The following ADAM12 variants were observed in gnomAD, a reference collection of about 807,000 sequenced individuals.
ADAM12 encodes the protein ADAM metallopeptidase domain 12.
In ADAM12, 70 loss-of-function variants were observed where a neutral mutation model predicts 106.4. The observed-to-expected ratio is 0.66, with a 90% CI of 0.54 to 0.80. The LOEUF (loss-of-function observed/expected upper bound fraction) is 0.80, where lower values mean the gene tolerates loss of function less well. Among genes scored for constraint, ADAM12 ranks in the 30% least tolerant of loss-of-function variants. The pLI, the probability that ADAM12 is intolerant of heterozygous loss-of-function variation, is 0.00. For synonymous variants in ADAM12, 420 were observed against 433.5 expected, an observed-to-expected ratio of 0.97 and a Z score of 0.39; for missense variants, 1,010 against 1,171.9, an observed-to-expected ratio of 0.86 and a Z score of 2.02.
chr10:126,251,895 TG>T (rs1958778972), intron 3 of ADAM12, among the ~76,000 whole-genome samples: 1 of 96,810 alleles, frequency 1.0e-5, no homozygotes, highest in African/African-American at 4.4e-5. Context: ...AATGGATGGA[TG>T]GGATGGATAG....
chr10:126,161,261 G>A (rs1471915545), intron 3 of ADAM12, among the ~76,000 whole-genome samples: 1 of 152,146 alleles, frequency 6.6e-6, no homozygotes, highest in Non-Finnish European at 1.5e-5. Context: ...GTACTGTGCT[G>A]AGCCCCTGAT....
intron 11 of ADAM12, among the ~76,000 whole-genome samples, chr10:126,079,151 T>C (rs1955161339): frequency 6.6e-6 from 1 of 152,232 alleles, no homozygotes; most frequent in Admixed American, 6.5e-5. Context: ...TGCAGACGAT[T>C]TGCTAAATTG....
chr10:126,363,177 C>A (rs1855796932), intron 1 of ADAM12, among the ~76,000 whole-genome samples: 2 of 151,850 alleles, frequency 1.3e-5, no homozygotes, highest in African/African-American at 4.8e-5. Flanking sequence ...AACATGGGGA[C>A]AATAAATGAT....
chr10:126,199,636 A>G (rs978569493), intron 3 of ADAM12, among the ~76,000 whole-genome samples: 22 of 152,210 alleles, frequency 1.4e-4, no homozygotes, highest in African/African-American at 4.8e-4. Flanking sequence ...AAACAAAACC[A>G]GGTTTTCATT....
At chr10:126,175,381 T>A (rs1299854639) in intron 3 of ADAM12, among the ~76,000 whole-genome samples, 4 of 152,152 alleles carry the variant, frequency 2.6e-5, no homozygotes, top group African/African-American at 9.7e-5. Context: ...CTCATAACAA[T>A]AACAATTGCT....
intron 2 of ADAM12, among the ~76,000 whole-genome samples, chr10:126,295,544 C>CACAG (rs1299445665): frequency 2.0e-5 from 3 of 147,486 alleles, no homozygotes; most frequent in African/African-American, 7.8e-5. Context: ...CACACACACA[C>CACAG]ACATACACAC....
rs1446416747 is a variant in ADAM12, at chr10:126,218,461, C to T, written c.260+60454G>A. Among the ~76,000 whole-genome samples the T allele has an allele frequency of 2.6e-5, 4 of 152,196 alleles. No individual in the cohort carries two copies. The East Asian group carries it at 7.7e-4, about 29-fold the overall frequency. The stretch of plus-strand genomic sequence containing the variant: ...CTTGGAACTGACTGCTATGCATTGA[C>T]TTTTCTGGGCAGACTCAGCCAACAA... On this transcript the variant is annotated intron_variant, in intron 3 of 22. Transcript: ENST00000448723.
At chr10:126,062,081 T>C (rs1272316634) in intron 14 of ADAM12, among the ~76,000 whole-genome samples, 4 of 152,078 alleles carry the variant, frequency 2.6e-5, no homozygotes, top group Admixed American at 6.5e-5. Context: ...GTCTGTATAA[T>C]GATCTGAAGA....
intron 8 of ADAM12, among the ~76,000 whole-genome samples, chr10:126,101,706 T>C (rs1172634378): frequency 2.6e-5 from 4 of 152,246 alleles, no homozygotes; most frequent in Non-Finnish European, 5.9e-5. Flanking sequence ...TGAATCTGTA[T>C]TAATTTTTCA....
rs138884732 is a variant in ADAM12 at position 126,152,294 on chromosome 10, C to T, written c.339+2933G>A. 2.0e-3 allele frequency among the ~76,000 whole-genome samples: 307 copies of T among 151,876 alleles called. 4 individuals carry two copies. Among genetic ancestry groups the T allele is most frequent in the African/African-American group, 7.0e-3 (291 of 41,478 alleles). Reference sequence around the variant, plus strand: ...TCTTTAATGCTTTTTTGTTTTGTTTCGGATTTTCAGAAATCCTTTAATTAG... The same window carrying T: ...TCTTTAATGCTTTTTTGTTTTGTTTTGGATTTTCAGAAATCCTTTAATTAG... On this transcript the variant is annotated intron_variant, in intron 4 of 22. Coordinates refer to ENST00000448723, the MANE Select transcript of ADAM12 (RefSeq NM_001288973.2).
chr10:126,225,231 A>G (rs1958169570), intron 3 of ADAM12, among the ~76,000 whole-genome samples: 1 of 152,234 alleles, frequency 6.6e-6, no homozygotes, highest in African/African-American at 2.4e-5. Flanking sequence ...CCTTTGCTAA[A>G]GCACCATGTA....
chr10:126,038,400 G>GACTT, intron 19 of ADAM12, 51 bp from the exon 20 acceptor site: 1 of 1,418,734 alleles, frequency 7.0e-7, no homozygotes, highest in Non-Finnish European at 9.4e-7. Context: ...CCTTCTCACT[G>GACTT]ACTTGACTTT....
At chr10:126,155,643 T>A (rs938877387) in intron 3 of ADAM12, among the ~76,000 whole-genome samples, 1 of 152,160 alleles carries the variant, frequency 6.6e-6, no homozygotes, top group East Asian at 1.9e-4. Flanking sequence ...ACATATACTC[T>A]TCCATGAATA....
At chr10:126,335,415 G>A (rs1854665305) in intron 1 of ADAM12, among the ~76,000 whole-genome samples, 1 of 152,146 alleles carries the variant, frequency 6.6e-6, no homozygotes, top group Admixed American at 6.5e-5. Flanking sequence ...AAAAGTTGGG[G>A]CAGCCATTTG....
chr10:126,186,312 G>A (rs1240133632), intron 3 of ADAM12, among the ~76,000 whole-genome samples: 1 of 152,202 alleles, frequency 6.6e-6, no homozygotes, highest in Non-Finnish European at 1.5e-5. Context: ...GGAAGAAAAA[G>A]TGAGAGTCTA....
intron 5 of ADAM12, among the ~76,000 whole-genome samples, chr10:126,135,141 G>T (rs575181252): frequency 6.6e-5 from 10 of 152,308 alleles, no homozygotes; most frequent in Non-Finnish European, 1.5e-4. Context: ...ACTCACCTTG[G>T]TTGTTGCTAA....
chr10:126,084,126 C>T (rs1955288854), intron 11 of ADAM12, among the ~76,000 whole-genome samples: 4 of 152,202 alleles, frequency 2.6e-5, no homozygotes, highest in Admixed American at 2.6e-4. Context: ...TTGACCTCTG[C>T]TCCTCCTCCC....
chr10:126,108,677 A>G lies in ADAM12; in HGVS notation c.670-13T>C. The G allele has an allele frequency of 6.2e-7, 1 of 1,607,920 alleles. No individual in the cohort carries two copies. Among genetic ancestry groups the G allele is most frequent in the Non-Finnish European group, 8.5e-7 (1 of 1,174,274 alleles). ...CTTGCCTCTGAAACTTAACAATTTT[A>G]AATGGCAGCATTAATACCAGCAAGA... On this transcript the variant is annotated splice_polypyrimidine_tract_variant and intron_variant, in intron 7 of 22. Coordinates refer to ENST00000448723, the MANE Select transcript of ADAM12 (RefSeq NM_001288973.2).
In ADAM12 at chr10:126,066,696, G is replaced by A; in HGVS notation, c.1413+21C>T. The A allele has an allele frequency of 1.2e-6, 2 of 1,612,906 alleles. No homozygotes were observed. The highest frequency in any genetic ancestry group is 1.7e-6 in the Non-Finnish European group (2 of 1,178,874). ...AACCTGTTGGCGACCTGGGGGTCAA[G>A]TTGTAGCTCCGGTGACTCACCTGGC... is the stretch of plus-strand genomic sequence containing the variant. On this transcript the variant is annotated intron_variant, in intron 13 of 22. Transcript: ENST00000448723. The surrounding 1 kb of genome is among the most constrained non-coding windows in gnomAD (Gnocchi z 5.1).
Sources: allele counts gnomAD v4.1 joint callset (sites outside exome capture counted in the v4.1 genomes callset), GRCh38; gene constraint gnomAD v4.1.1; non-coding constraint Gnocchi (gnomAD v3.1); transcripts MANE v1.5; gene names NCBI Gene and HGNC (gene_info 2026-07-23, HGNC 2026-07-21).